Variants in EFNA5 observed in about 807,000 individuals in gnomAD.
EFNA5 encodes ephrin A5, also known as ephrin-A5.
In EFNA5, 5 loss-of-function variants were observed where a neutral mutation model predicts 22.9. The ratio of observed to expected loss-of-function variants is 0.22; its 90% CI spans 0.11 to 0.46. The LOEUF (loss-of-function observed/expected upper bound fraction) is 0.46, where lower values mean the gene tolerates loss of function less well. Ranked by LOEUF, EFNA5 falls within the 20% of genes least tolerant of loss-of-function variation. The probability of loss-of-function intolerance (pLI) is 0.99; values close to 1 mark genes in which losing one functional copy is unlikely to be tolerated. For missense variants in EFNA5, 237 were observed against 293.3 expected (o/e 0.81, Z 1.40); for synonymous variants, 113 against 112.2 (o/e 1.01, Z -0.04).
intron 1 of EFNA5, among the ~76,000 whole-genome samples, chr5:107,458,918 T>C (rs760108318): frequency 5.9e-5 from 9 of 152,292 alleles, no homozygotes; most frequent in Middle Eastern, 3.4e-3. Flanking sequence ...ATAAAAGCAG[T>C]CTAGATCTTT....
intron 1 of EFNA5, among the ~76,000 whole-genome samples, chr5:107,571,221 G>A (rs1369561740): frequency 2.0e-5 from 3 of 152,140 alleles, no homozygotes; most frequent in Non-Finnish European, 2.9e-5. Context: ...TCCCGTGTCC[G>A]CCCCAGCCAG....
At chr5:107,588,862 C>A (rs1749250260) in intron 1 of EFNA5, among the ~76,000 whole-genome samples, 1 of 152,190 alleles carries the variant, frequency 6.6e-6, no homozygotes, top group African/African-American at 2.4e-5. Flanking sequence ...GCACAAACAT[C>A]AATTACGTCT....
At chr5:107,555,894 T>A (rs763263385) in intron 1 of EFNA5, among the ~76,000 whole-genome samples, 1 of 152,152 alleles carries the variant, frequency 6.6e-6, no homozygotes, top group Non-Finnish European at 1.5e-5. Flanking sequence ...GAGTAAAACA[T>A]CCTGGTCCTT....
chr5:107,639,994 T>C (rs1363793420), intron 1 of EFNA5, among the ~76,000 whole-genome samples: 8 of 152,304 alleles, frequency 5.3e-5, no homozygotes, highest in Non-Finnish European at 1.2e-4. Flanking sequence ...GAAAACAATA[T>C]AGGTGTCTAA....
chr5:107,482,854 CTCTCTCTCTCTCTCTCTATA>C (rs1561406370), intron 1 of EFNA5, among the ~76,000 whole-genome samples: 21 of 69,072 alleles, frequency 3.0e-4, no homozygotes, highest in South Asian at 1.5e-3. Context: ...CTCTCTCTCT[CTCTCTCTCTCTCTCTCTATA>C]TATATATATA....
rs565553519 is a variant in EFNA5 at position 107,618,944 on chromosome 5, C to A, written c.125+51545G>T. On this transcript the variant is annotated intron_variant, in intron 1 of 4. Coordinates refer to ENST00000333274, the MANE Select transcript of EFNA5 (RefSeq NM_001962.3). ...ACTCTTTTTTTTTTTTATTTTGAGA[C>A]GGAGTCTTGCACTGTCGCCCAGGCT... Among the ~76,000 whole-genome samples, 5 of 150,014 alleles carry A rather than the reference C, an allele frequency of 3.3e-5. No homozygotes were observed. In the East Asian group the frequency reaches 9.8e-4, roughly 29 times the overall value.
intron 1 of EFNA5, among the ~76,000 whole-genome samples, chr5:107,588,246 G>C (rs79467624): frequency 6.6e-6 from 1 of 150,570 alleles, no homozygotes; most frequent in Non-Finnish European, 1.5e-5. Context: ...AAAAAAAAAA[G>C]CAACAGAGAT....
At chr5:107,542,636 A>G (rs1418901191) in intron 1 of EFNA5, among the ~76,000 whole-genome samples, 1 of 151,994 alleles carries the variant, frequency 6.6e-6, no homozygotes, top group Non-Finnish European at 1.5e-5. Context: ...TAATGTGTGT[A>G]CAGGGAGGAG....
At chr5:107,413,205 A>G (rs1324420430) in intron 2 of EFNA5, among the ~76,000 whole-genome samples, 3 of 152,108 alleles carry the variant, frequency 2.0e-5, no homozygotes, top group Non-Finnish European at 4.4e-5. Flanking sequence ...TCAAAACTTA[A>G]TAATACTTTT....
At chr5:107,460,335 A>G (rs570595568) in intron 1 of EFNA5, among the ~76,000 whole-genome samples, 1 of 152,090 alleles carries the variant, frequency 6.6e-6, no homozygotes, top group African/African-American at 2.4e-5. Flanking sequence ...GGCCCTAACC[A>G]TTTCTGCTCC....
At chr5:107,607,182 G>T (rs1032523362) in intron 1 of EFNA5, among the ~76,000 whole-genome samples, 1 of 152,218 alleles carries the variant, frequency 6.6e-6, no homozygotes, top group Non-Finnish European at 1.5e-5. Flanking sequence ...GAGATTGTCT[G>T]CAAATACAAA....
chr5:107,553,934 C>T (rs1748353942), intron 1 of EFNA5, among the ~76,000 whole-genome samples: 1 of 152,190 alleles, frequency 6.6e-6, no homozygotes, highest in Non-Finnish European at 1.5e-5. Flanking sequence ...TTCTTCCACA[C>T]ATCATTATAT....
intron 1 of EFNA5, among the ~76,000 whole-genome samples, chr5:107,475,031 C>G (rs896082895): frequency 6.6e-6 from 1 of 152,166 alleles, no homozygotes; most frequent in Admixed American, 6.5e-5. Context: ...CTTTACTAAA[C>G]AAACTTCTGA....
In EFNA5 at chr5:107,380,577, C is replaced by T. The variant is rs1554055545; in HGVS notation, c.*678G>A. On this transcript the variant is annotated 3_prime_UTR_variant, in exon 5 of 5. Coordinates refer to ENST00000333274, the MANE Select transcript of EFNA5 (RefSeq NM_001962.3). ...TAGCATTCCACACCCAACCTGCCTC[C>T]TAGAAAAAAAAAAAAGGCTTCTTTT... 1 of 342,654 alleles carries T rather than the reference C, an allele frequency of 2.9e-6. No individual in the cohort carries two copies. The highest frequency in any genetic ancestry group is 1.7e-4 in the South Asian group (1 of 5,870). 21.2% of individuals were successfully genotyped at this position (342,654 alleles called of 1,614,324 possible). A position where few individuals can be genotyped will look rare whatever the true frequency, so the allele number is the denominator to read the frequency against.
chr5:107,390,664 T>A (rs921262943), intron 2 of EFNA5, among the ~76,000 whole-genome samples: 13 of 151,374 alleles, frequency 8.6e-5, no homozygotes, highest in Admixed American at 5.9e-4. Context: ...TAGTTAAAAG[T>A]AAATATGTAA....
At chr5:107,648,484 A>G (rs1750670043) in intron 1 of EFNA5, among the ~76,000 whole-genome samples, 1 of 152,212 alleles carries the variant, frequency 6.6e-6, no homozygotes, top group Non-Finnish European at 1.5e-5. Flanking sequence ...AACTTGTGGT[A>G]CATTTTATAG....
chr5:107,532,805 A>G (rs1330503893), intron 1 of EFNA5, among the ~76,000 whole-genome samples: 1 of 152,206 alleles, frequency 6.6e-6, no homozygotes, highest in African/African-American at 2.4e-5. Context: ...AGAATATTTT[A>G]AAAGAACAGT....
At chr5:107,523,478 G>A (rs1747635950) in intron 1 of EFNA5, among the ~76,000 whole-genome samples, 1 of 152,170 alleles carries the variant, frequency 6.6e-6, no homozygotes, top group South Asian at 2.1e-4. Flanking sequence ...CAAAAGCTCT[G>A]GCTCACAAGG....
At chr5:107,569,565 A>ATG (rs1162163126) in intron 1 of EFNA5, among the ~76,000 whole-genome samples, 6 of 21,776 alleles carry the variant, frequency 2.8e-4, no homozygotes, top group Admixed American at 9.1e-4. Context: ...ATATTTATAT[A>ATG]TATATATATA....
Sources: allele counts gnomAD v4.1 joint callset (sites outside exome capture counted in the v4.1 genomes callset), GRCh38; gene constraint gnomAD v4.1.1; transcripts MANE v1.5; gene names NCBI Gene and HGNC (gene_info 2026-07-23, HGNC 2026-07-21).